The following ASCC3 variants were observed in gnomAD, a reference collection of about 807,000 sequenced individuals.
ASCC3 encodes activating signal cointegrator 1 complex subunit 3.
Under a neutral mutation model 256.3 loss-of-function variants are expected in ASCC3, and 158 were observed. The ratio of observed to expected loss-of-function variants is 0.62; its 90% confidence interval spans 0.54 to 0.70. The LOEUF (loss-of-function observed/expected upper bound fraction) is 0.70, where lower values mean the gene tolerates loss of function less well. Among genes scored for constraint, ASCC3 ranks in the 30% least tolerant of loss-of-function variants. The pLI is 0.00. For missense variants in ASCC3, 2,259 were observed against 2,626.0 expected (o/e 0.86, Z 3.05); for synonymous variants, 948 against 883.4 (o/e 1.07, Z -1.30).
rs189195394 is a variant in ASCC3, at chr6:100,774,461, G to A, written c.1396-7116C>T. ...GCTCACGGCAACCTCCGCCTCCCAGGTTCAAGCAATTCTCCTGCCTCAGTC... is the reference window on the plus strand; with the variant it reads ...GCTCACGGCAACCTCCGCCTCCCAGATTCAAGCAATTCTCCTGCCTCAGTC... On this transcript the variant is annotated intron_variant, in intron 8 of 41. Coordinates refer to ENST00000369162, the MANE Select transcript of ASCC3 (RefSeq NM_006828.4). Among the ~76,000 whole-genome samples the A allele has an allele frequency of 9.9e-5, 15 of 152,188 alleles. No individual in the cohort carries two copies. The East Asian group carries it at 2.7e-3, about 27-fold the overall frequency.
At chr6:100,565,042 A>G (rs1042102640) in intron 36 of ASCC3, among the ~76,000 whole-genome samples, 10 of 152,188 alleles carry the variant, frequency 6.6e-5, no homozygotes, top group African/African-American at 2.2e-4. Context: ...AAATAATGTA[A>G]TATTTGCCTA....
intron 10 of ASCC3, among the ~76,000 whole-genome samples, chr6:100,741,533 T>C (rs1443593747): frequency 6.6e-6 from 1 of 152,186 alleles, no homozygotes; most frequent in African/African-American, 2.4e-5. Context: ...AGTCGTAGGA[T>C]CAGTTTCTAC....
intron 3 of ASCC3, among the ~76,000 whole-genome samples, chr6:100,855,123 T>C (rs1200884333): frequency 1.4e-5 from 2 of 148,144 alleles, no homozygotes; most frequent in Non-Finnish European, 3.0e-5. Flanking sequence ...TTTTTTTTTT[T>C]CTTTTTTAGA....
At chr6:100,813,543 A>T (rs1770588995) in intron 4 of ASCC3, among the ~76,000 whole-genome samples, 1 of 152,108 alleles carries the variant, frequency 6.6e-6, no homozygotes, top group South Asian at 2.1e-4. Flanking sequence ...ACCTTAAAGG[A>T]AGTTTTTCAG....
intron 4 of ASCC3, among the ~76,000 whole-genome samples, chr6:100,832,311 A>G (rs1264087461): frequency 1.3e-5 from 2 of 152,150 alleles, no homozygotes; most frequent in African/African-American, 2.4e-5. Flanking sequence ...GCTGAGAGAA[A>G]GATAATCTTC....
At chr6:100,779,049 T>C (rs1014246759) in intron 8 of ASCC3, among the ~76,000 whole-genome samples, 1 of 152,104 alleles carries the variant, frequency 6.6e-6, no homozygotes, top group African/African-American at 2.4e-5. Context: ...AAGATCAACA[T>C]AAAAGATGAA....
intron 39 of ASCC3, among the ~76,000 whole-genome samples, chr6:100,513,610 AT>A (rs1260210654): frequency 1.3e-5 from 2 of 152,208 alleles, no homozygotes; most frequent in African/African-American, 4.8e-5. Context: ...AAGGAATTCT[AT>A]AAGTCTAGGG....
chr6:100,823,000 C>T (rs1263452291), intron 4 of ASCC3, among the ~76,000 whole-genome samples: 1 of 152,078 alleles, frequency 6.6e-6, no homozygotes, highest in East Asian at 1.9e-4. Context: ...AGCATAGGAT[C>T]ACCACACAAA....
At chr6:100,519,375 A>G (rs866651841) in intron 37 of ASCC3, among the ~76,000 whole-genome samples, 5 of 152,048 alleles carry the variant, frequency 3.3e-5, no homozygotes, top group Non-Finnish European at 7.4e-5. Flanking sequence ...ATATTTATAT[A>G]TGTGTGTGTG....
chr6:100,757,987 C>T (rs1582818189), intron 10 of ASCC3, among the ~76,000 whole-genome samples: 1 of 152,230 alleles, frequency 6.6e-6, no homozygotes, highest in African/African-American at 2.4e-5. Context: ...TGCTCCTCTC[C>T]CAACTCACTG....
At chr6:100,532,427 T>TA (rs1278394502) in intron 37 of ASCC3, among the ~76,000 whole-genome samples, 1 of 122,916 alleles carries the variant, frequency 8.1e-6, no homozygotes, top group African/African-American at 3.0e-5. Flanking sequence ...TTTTTTTTTT[T>TA]AAATTACAAA....
intron 10 of ASCC3, among the ~76,000 whole-genome samples, chr6:100,738,212 C>A (rs1040453310): frequency 6.6e-6 from 1 of 152,150 alleles, no homozygotes; most frequent in African/African-American, 2.4e-5. Context: ...TGCAGAAGCT[C>A]TTTAGTTTAA....
rs1010306219 is a variant in ASCC3 at position 100,647,124 on chromosome 6, T to C, written c.3478+102A>G. On this transcript the variant is annotated intron_variant, in intron 21 of 41. Coordinates refer to ENST00000369162, the MANE Select transcript of ASCC3 (RefSeq NM_006828.4). Reference sequence around the variant, plus strand: ...AGATTTATAAATACGGTAAAATTTTTATTTTGATTAATGTGGAAATTCACA... The same window carrying C: ...AGATTTATAAATACGGTAAAATTTTCATTTTGATTAATGTGGAAATTCACA... 358 of 1,107,970 alleles carry C rather than the reference T, an allele frequency of 3.2e-4. 2 individuals are homozygous for C. Among genetic ancestry groups the C allele is most frequent in the Non-Finnish European group, 5.8e-5 (44 of 761,520 alleles). 68.6% of individuals were successfully genotyped at this position (1,107,970 alleles called of 1,614,324 possible).
At chr6:100,551,642 G>A (rs550856296) in intron 36 of ASCC3, among the ~76,000 whole-genome samples, 2 of 152,004 alleles carry the variant, frequency 1.3e-5, no homozygotes, top group East Asian at 1.9e-4. Flanking sequence ...TATGCTTTTG[G>A]TAAGTAGGAC....
Position 100,650,595 on chromosome 6 carries a change from G to A in ASCC3, c.3195C>T (p.Ile1065=), listed in dbSNP as rs1341935199. The stretch of plus-strand genomic sequence containing the variant: ...AGAAACTGTCCATTTCTCCTCGGCT[G>A]ATATAAGTTTGAAGTAAGATGTTTA... The part of the protein sequence containing the change: ...GKINILLQTY[I]SRGEMDSFSL... The change falls in exon 20 of 42, where the codon ATC becomes ATT. Residue 1065 remains isoleucine, a synonymous_variant. Transcript: ENST00000369162. The A allele has an allele frequency of 1.2e-6, 2 of 1,612,700 alleles. No homozygotes were observed. The highest frequency in any genetic ancestry group is 1.7e-6 in the Non-Finnish European group (2 of 1,179,138).
chr6:100,589,862 A>T (rs1031646722), intron 35 of ASCC3, 86 bp downstream of exon 35: 234 of 1,593,444 alleles, frequency 1.5e-4, no homozygotes, highest in Middle Eastern at 1.8e-4. Context: ...ACAATTTTTT[A>T]AAAAATTTTG....
At chr6:100,602,089 T>G (rs1772648871) in intron 33 of ASCC3, among the ~76,000 whole-genome samples, 154 bp from the exon 34 acceptor site, 1 of 152,098 alleles carries the variant, frequency 6.6e-6, no homozygotes, top group African/African-American at 2.4e-5. Flanking sequence ...TTTTGTATAC[T>G]GTGTAAATAA....
Position 100,867,977 on chromosome 6 carries a change from T to C in ASCC3, c.21A>G (p.Thr7=). The part of the protein sequence containing the change: MALPRL[T]GALRSFSNVT... ...CATTTGAAAAGGAACGCAAGGCTCC[T>C]GTGAGACGAGGTAAAGCCATCTATT... Residue 7 remains threonine, a synonymous_variant, in exon 2 of 42, where the codon ACA becomes ACG. Coordinates refer to ENST00000369162, the MANE Select transcript of ASCC3 (RefSeq NM_006828.4). 6.2e-7 allele frequency: 1 copy of C among 1,613,668 alleles called. No homozygotes were observed. Among genetic ancestry groups the C allele is most frequent in the Non-Finnish European group, 8.5e-7 (1 of 1,179,676 alleles).
At chr6:100,874,535 T>C (rs1474154917) in intron 1 of ASCC3, among the ~76,000 whole-genome samples, 5 of 151,798 alleles carry the variant, frequency 3.3e-5, no homozygotes, top group Non-Finnish European at 7.4e-5. Flanking sequence ...TAAGTTTTAT[T>C]TGAAATGTAT....
Sources: gnomAD v4.1 joint callset for allele counts (sites outside exome capture counted in the v4.1 genomes callset) on GRCh38, gnomAD v4.1.1 for gene constraint, MANE v1.5 for transcripts, NCBI Gene and HGNC (gene_info 2026-07-23, HGNC 2026-07-21) for gene names.